Variants in PRKCA observed in about 807,000 individuals in gnomAD.
The protein encoded by PRKCA is protein kinase C alpha.
Under a neutral mutation model 87.0 loss-of-function variants are expected in PRKCA, and 27 were observed. The ratio of observed to expected loss-of-function variants is 0.31; its 90% CI spans 0.23 to 0.43. PRKCA has a LOEUF of 0.43. Among genes scored for constraint, PRKCA ranks in the 20% least tolerant of loss-of-function variants. PRKCA has a pLI of 1.00. For missense variants in PRKCA, 518 were observed against 852.3 expected (o/e 0.61, Z 4.88); for synonymous variants, 329 against 311.1 (o/e 1.06, Z -0.61).
chr17:66,533,483 C>T (rs1303447289), intron 3 of PRKCA, among the ~76,000 whole-genome samples: 2 of 152,310 alleles, frequency 1.3e-5, no homozygotes, highest in East Asian at 3.9e-4. Flanking sequence ...ACAAGTCGCA[C>T]CCAAGGCTGC....
intron 2 of PRKCA, among the ~76,000 whole-genome samples, chr17:66,474,820 C>T (rs904639259): frequency 1.8e-4 from 28 of 152,154 alleles, no homozygotes; most frequent in African/African-American, 6.3e-4. Context: ...CGCGTAACCT[C>T]GGTCGTGTAG....
At position 66,774,262 on chromosome 17, in the gene PRKCA, G is replaced by A. The variant is rs1975000129; in HGVS notation, c.1605+195G>A. The A allele has an allele frequency of 9.8e-6, 14 of 1,421,366 alleles. No homozygotes were observed. In the South Asian group the frequency reaches 1.7e-4, roughly 18 times the overall value. The allele number at this position is 1,421,366 out of a possible 1,614,324, so 88.0% of individuals were successfully genotyped here. A position where few individuals can be genotyped will look rare whatever the true frequency, so the allele number is the denominator to read the frequency against. ...TCAGTATGCACAGAAATTATCTCTGGTCATAGAAACTCCAAATTGAAAGCT... is the reference window on the plus strand; with the variant it reads ...TCAGTATGCACAGAAATTATCTCTGATCATAGAAACTCCAAATTGAAAGCT... On this transcript the variant is annotated intron_variant, in intron 14 of 16. Transcript: ENST00000413366.
At chr17:66,678,804 T>G (rs1011038434) in intron 5 of PRKCA, among the ~76,000 whole-genome samples, 3 of 152,200 alleles carry the variant, frequency 2.0e-5, no homozygotes, top group Admixed American at 6.5e-5. Context: ...TCGTTTTTCC[T>G]TGGTTTCAAT....
chr17:66,715,444 C>G (rs897556355), intron 8 of PRKCA, among the ~76,000 whole-genome samples: 2 of 152,204 alleles, frequency 1.3e-5, no homozygotes, highest in Admixed American at 1.3e-4. Flanking sequence ...GTGGCTCCCT[C>G]GGACCACTCC....
At chr17:66,517,378 A>G (rs1419605510) in intron 3 of PRKCA, among the ~76,000 whole-genome samples, 2 of 151,914 alleles carry the variant, frequency 1.3e-5, no homozygotes, top group Non-Finnish European at 2.9e-5. Flanking sequence ...CTCGCCCCCA[A>G]TTCAGTTGTT....
chr17:66,317,931 A>C (rs1905409971), intron 2 of PRKCA, among the ~76,000 whole-genome samples: 1 of 152,262 alleles, frequency 6.6e-6, no homozygotes, highest in Non-Finnish European at 1.5e-5. Context: ...AAGTATTTAC[A>C]ATGTAGAAAA....
intron 5 of PRKCA, among the ~76,000 whole-genome samples, chr17:66,673,326 G>A (rs1232768497): frequency 1.3e-5 from 2 of 152,154 alleles, no homozygotes; most frequent in South Asian, 2.1e-4. Flanking sequence ...TTTCTGGTAC[G>A]TGAATGGGAC....
chr17:66,643,494 T>C (rs1248641712), intron 4 of PRKCA, among the ~76,000 whole-genome samples: 1 of 152,256 alleles, frequency 6.6e-6, no homozygotes, highest in East Asian at 1.9e-4. Context: ...TTGTGTTTGT[T>C]AGCTGAGTTT....
intron 2 of PRKCA, among the ~76,000 whole-genome samples, chr17:66,474,905 C>T (rs1177448834): frequency 1.3e-5 from 2 of 152,098 alleles, no homozygotes; most frequent in Admixed American, 1.3e-4. Flanking sequence ...CTCTGGTGAC[C>T]ACTCAGTCCT....
chr17:66,676,603 G>A (rs1283587424), intron 5 of PRKCA: 2 of 152,256 alleles, frequency 1.3e-5, no homozygotes, highest in African/African-American at 2.4e-5. Context: ...CTTGCTTCTG[G>A]GTGGGGCTAA....
intron 14 of PRKCA, chr17:66,774,838 G>GGCAA: frequency 2.0e-6 from 2 of 985,338 alleles, no homozygotes; most frequent in Non-Finnish European, 2.4e-6. Flanking sequence ...TCTCACCCTT[G>GGCAA]GCAATTCGTT....
chr17:66,477,427 C>T (rs1490223390), intron 2 of PRKCA, among the ~76,000 whole-genome samples: 3 of 152,138 alleles, frequency 2.0e-5, no homozygotes, highest in South Asian at 2.1e-4. Context: ...TGGCCGAGCG[C>T]GGTGGCTCAT....
At chr17:66,484,628 CT>C (rs1915922037) in intron 2 of PRKCA, among the ~76,000 whole-genome samples, 1 of 152,186 alleles carries the variant, frequency 6.6e-6, no homozygotes, top group Admixed American at 6.5e-5. Context: ...AAAATCCAAT[CT>C]AACTAATGTA....
chr17:66,411,467 A>G (rs1911802062), intron 2 of PRKCA, among the ~76,000 whole-genome samples: 1 of 151,408 alleles, frequency 6.6e-6, no homozygotes, highest in Non-Finnish European at 1.5e-5. Context: ...TAAAAAAACA[A>G]AAAACCATGA....
intron 2 of PRKCA, among the ~76,000 whole-genome samples, chr17:66,440,709 G>A (rs1385627742): frequency 1.3e-5 from 2 of 152,078 alleles, no homozygotes; most frequent in Non-Finnish European, 2.9e-5. Flanking sequence ...GAGCCAGTGA[G>A]GGACACTCTT....
intron 2 of PRKCA, chr17:66,339,999 A>G (rs536722397): frequency 2.0e-5 from 3 of 152,326 alleles, no homozygotes; most frequent in South Asian, 2.1e-4. Context: ...TATAACTCCT[A>G]TTACATGAGC....
At chr17:66,731,745 C>T (rs901972667) in intron 8 of PRKCA, among the ~76,000 whole-genome samples, 18 of 149,508 alleles carry the variant, frequency 1.2e-4, no homozygotes, top group Non-Finnish European at 1.8e-4. Flanking sequence ...AGATATTCTT[C>T]AGGCGCAAAG....
chr17:66,591,276 A>T (rs1969795496), intron 3 of PRKCA, among the ~76,000 whole-genome samples: 1 of 151,428 alleles, frequency 6.6e-6, no homozygotes, highest in African/African-American at 2.4e-5. Context: ...CCTCAGCCCC[A>T]CAAGTACCTA....
intron 14 of PRKCA, among the ~76,000 whole-genome samples, chr17:66,780,626 A>G (rs1056570819): frequency 5.9e-5 from 9 of 152,134 alleles, no homozygotes; most frequent in Non-Finnish European, 1.2e-4. Context: ...GCAGTGAGCC[A>G]TGATCGCACC....
Sources: gnomAD v4.1 joint callset for allele counts (sites outside exome capture counted in the v4.1 genomes callset) on GRCh38, gnomAD v4.1.1 for gene constraint, MANE v1.5 for transcripts, NCBI Gene and HGNC (gene_info 2026-07-23, HGNC 2026-07-21) for gene names.